Variants in CDAN1 observed in about 807,000 individuals in gnomAD.
The protein encoded by CDAN1 is codanin-1.
In CDAN1, 107 loss-of-function variants were observed where a neutral mutation model predicts 139.8. That is an observed-to-expected ratio of 0.77 (90% CI 0.65 to 0.90). The LOEUF is 0.90. CDAN1 is among the 40% of genes least tolerant of loss of function. CDAN1 has a pLI of 0.00. For missense variants in CDAN1, 1,667 were observed against 1,575.7 expected (o/e 1.06, Z -0.98); for synonymous variants, 776 against 660.6 (o/e 1.17, Z -2.68).
At position 42,729,705 on chromosome 15, in the gene CDAN1, G is replaced by C; in HGVS notation, c.2353-83C>G. The C allele has an allele frequency of 1.9e-6, 3 of 1,590,994 alleles. No homozygotes were observed. The South Asian group carries it at 3.3e-5, about 18-fold the overall frequency. ...AGGCAGTTGGCAGGGCCTTTACAAG[G>C]GTTACATCTGCCCCTGGCTGGGCCT... On this transcript the variant is annotated intron_variant, in intron 16 of 27. Coordinates refer to ENST00000356231, the MANE Select transcript of CDAN1 (RefSeq NM_138477.4).
At chr15:42,725,085 G>A (rs2061504691) in intron 27 of CDAN1, 59 bp downstream of exon 27, 1 of 1,401,924 alleles carries the variant, frequency 7.1e-7, no homozygotes, top group Non-Finnish European at 1.0e-6. Context: ...TTCCTTTCAG[G>A]ACAGATGGGA....
In CDAN1 at chr15:42,735,492, C is replaced by T. The variant is rs373152749; in HGVS notation, c.943+18G>A. Reference sequence around the variant, plus strand: ...TTCTACAAGTGTCTCCACTCCCGCTCCCTCCGCTCTCACTCACCAGCAATG... The same window carrying T: ...TTCTACAAGTGTCTCCACTCCCGCTTCCTCCGCTCTCACTCACCAGCAATG... On this transcript the variant is annotated intron_variant, in intron 4 of 27. Coordinates refer to ENST00000356231, the MANE Select transcript of CDAN1 (RefSeq NM_138477.4). 9.3e-6 allele frequency: 15 copies of T among 1,614,032 alleles called. No homozygotes were observed. The highest frequency in any genetic ancestry group is 2.2e-5 in the East Asian group (1 of 44,892).
intron 9 of CDAN1, among the ~76,000 whole-genome samples, chr15:42,732,835 T>C (rs2061632470): frequency 6.6e-6 from 1 of 152,072 alleles, no homozygotes; most frequent in South Asian, 2.1e-4. Context: ...TCAAGCAACC[T>C]GAGTTAAGAG....
chr15:42,730,538 G>C (rs531527092), intron 14 of CDAN1, 60 bp downstream of exon 14: 26 of 1,585,120 alleles, frequency 1.6e-5, no homozygotes, highest in South Asian at 8.9e-5. Context: ...TTAATAGCAG[G>C]CTTGACCAAT....
intron 27 of CDAN1, 30 bp from the exon 28 acceptor site, chr15:42,724,646 G>C (rs11857216): frequency 7.7e-6 from 12 of 1,550,886 alleles, no homozygotes; most frequent in Non-Finnish European, 8.7e-6. Flanking sequence ...GAGGGAAAAG[G>C]CAGCATGTAA....
chr15:42,728,030 G>A lies in CDAN1; in HGVS notation c.2872C>T (p.Leu958=), dbSNP rs764432820. 2.4e-5 allele frequency: 38 copies of A among 1,613,890 alleles called. No individual in the cohort carries two copies. In the Middle Eastern group the frequency reaches 8.2e-4, roughly 35 times the overall value. ...ACAGCAATGTTCTCTGCACTGCTCA[G>A]AACCTGCGAAACAGAACTACAGAGT... ...LLPEETPAAV[L]SSAENIAVGL... Residue 958 remains leucine (L), a synonymous_variant, in exon 22 of 28, where the codon CTG becomes TTG. Coordinates refer to ENST00000356231, the MANE Select transcript of CDAN1 (RefSeq NM_138477.4).
rs1322873553 is a variant in CDAN1 at position 42,736,488 on chromosome 15, GCCGGCCCCGGGCCCCGCCTCCTGCCC to G, written c.357_382del (p.Gly120ProfsTer26). The stretch of plus-strand genomic sequence containing the variant: ...CAGGCCGCGGCCTCCACGCTCGCGG[GCCGGCCCCGGGCCCCGCCTCCTGCCC>G]CCGCGGCGGGCCAGAGGGGCCTCGG... On this transcript the variant is annotated frameshift_variant, in exon 2 of 28. Transcript: ENST00000356231. LOFTEE classifies it high-confidence loss of function. The G allele has an allele frequency of 6.9e-7, 1 of 1,446,070 alleles. No homozygotes were observed. The highest frequency in any genetic ancestry group is 9.0e-7 in the Non-Finnish European group (1 of 1,106,920). The allele number at this position is 1,446,070 out of a possible 1,614,324, so 89.6% of individuals were successfully genotyped here.
chr15:42,724,362 G>A lies in CDAN1; in HGVS notation c.*129C>T. On this transcript the variant is annotated 3_prime_UTR_variant, in exon 28 of 28. Transcript: ENST00000356231. ...GATGCCAGGCAGTGACACCCTTAGA[G>A]CAGGAAGTCTGACTGTAGACCCAGC... 6.4e-6 allele frequency: 8 copies of A among 1,251,192 alleles called. No homozygotes were observed. The highest frequency in any genetic ancestry group is 9.0e-6 in the Non-Finnish European group (8 of 889,714). The allele number at this position is 1,251,192 out of a possible 1,614,324, so 77.5% of individuals were successfully genotyped here.
rs752661979 is a variant in CDAN1 at position 42,729,095 on chromosome 15, T to A, written c.2573A>T (p.Gln858Leu). Residue 858 changes from glutamine to leucine, a missense_variant, in exon 19 of 28, where the codon CAG (glutamine) becomes CTG (leucine). Physicochemically the swap from Gln to Leu is moderately radical, Grantham distance 113 (BLOSUM62 -2). Transcript: ENST00000356231. ...TACGGTCCGGCGCAAGGAGGGCGGC[T>A]GGTTGTGGAAAAAGGCCTGGGCGAG... ...AQLAQAFFHN[Q>L]PPSLRRTVEF... The A allele has an allele frequency of 1.2e-6, 2 of 1,614,188 alleles. No individual in the cohort carries two copies. Among genetic ancestry groups the A allele is most frequent in the South Asian group, 2.2e-5 (2 of 91,084 alleles).
In CDAN1 at chr15:42,729,091, C is replaced by G; in HGVS notation, c.2577G>C (p.Pro859=). 6.2e-7 allele frequency: 1 copy of G among 1,614,186 alleles called. No homozygotes were observed. The highest frequency in any genetic ancestry group is 8.5e-7 in the Non-Finnish European group (1 of 1,180,032). ...QLAQAFFHNQ[P]PSLRRTVEFV... is the part of the protein sequence containing the mutation. ...ACTCTACGGTCCGGCGCAAGGAGGG[C>G]GGCTGGTTGTGGAAAAAGGCCTGGG... Residue 859 remains proline, a synonymous_variant, in exon 19 of 28, where the codon CCG becomes CCC. Coordinates refer to ENST00000356231, the MANE Select transcript of CDAN1 (RefSeq NM_138477.4).
chr15:42,729,947 C>T (rs1174530108), intron 15 of CDAN1, 62 bp from the exon 16 acceptor site: 1 of 1,309,366 alleles, frequency 7.6e-7, no homozygotes, highest in Admixed American at 1.9e-5. Flanking sequence ...ACCCCACCTC[C>T]TGCACGGTCC....
chr15:42,727,826 C>T, intron 22 of CDAN1, 57 bp from the exon 23 acceptor site: 1 of 1,610,654 alleles, frequency 6.2e-7, no homozygotes, highest in Non-Finnish European at 8.5e-7. Context: ...CACAGGTTCA[C>T]CATGCTAACC....
chr15:42,730,916 C>T lies in CDAN1; in HGVS notation c.2007+9G>A. 6.2e-7 allele frequency: 1 copy of T among 1,614,192 alleles called. No individual in the cohort carries two copies. The highest frequency in any genetic ancestry group is 8.5e-7 in the Non-Finnish European group (1 of 1,180,032). ...GCTCCCTCCTCACCAGAATCCCCCG[C>T]CCATTCACCTGGCTCCTGAGGGCCA... On this transcript the variant is annotated intron_variant, in intron 13 of 27. Coordinates refer to ENST00000356231, the MANE Select transcript of CDAN1 (RefSeq NM_138477.4).
chr15:42,726,689 C>T, intron 23 of CDAN1: 2 of 540,760 alleles, frequency 3.7e-6, no homozygotes, highest in South Asian at 2.3e-5. Flanking sequence ...AACTTGGGAC[C>T]AAACTGTAGC....
chr15:42,736,087 A>G lies in CDAN1; in HGVS notation c.570-9T>C. 1 of 1,613,878 alleles carries G rather than the reference A, an allele frequency of 6.2e-7. No homozygotes were observed. Among genetic ancestry groups the G allele is most frequent in the Non-Finnish European group, 8.5e-7 (1 of 1,179,828 alleles). ...TGCGAGAAGGCTTCGTCCTGCTGAG[A>G]GTAGCCACAGGTTTTTCTCAAATTC... is the stretch of plus-strand genomic sequence containing the variant. On this transcript the variant is annotated splice_polypyrimidine_tract_variant and intron_variant, in intron 2 of 27. Transcript: ENST00000356231.
chr15:42,729,502 G>C lies in CDAN1; in HGVS notation c.2407+66C>G, dbSNP rs528658595. 14 of 1,607,624 alleles carry C rather than the reference G, an allele frequency of 8.7e-6. No homozygotes were observed. The East Asian group carries it at 1.1e-4, about 13-fold the overall frequency. On this transcript the variant is annotated intron_variant, in intron 17 of 27. Transcript: ENST00000356231. ...GCAATATCCAAGGGAGCTGGGCCAA[G>C]GGGGTGCCTTTTGGGTACTCATGGA... is the stretch of plus-strand genomic sequence containing the variant.
At position 42,737,009 on chromosome 15, in the gene CDAN1, T is replaced by A. The variant is rs1211239118; in HGVS notation, c.90+4A>T. ...CAGACCTGGGGGCGTGTCACCGCTG[T>A]TACCTCCGAACCCTGGGTGCTGCGC... On this transcript the variant is annotated splice_donor_region_variant and intron_variant, in intron 1 of 27. Coordinates refer to ENST00000356231, the MANE Select transcript of CDAN1 (RefSeq NM_138477.4). 2.6e-6 allele frequency: 4 copies of A among 1,545,038 alleles called. No homozygotes were observed. The highest frequency in any genetic ancestry group is 3.9e-5 in the Admixed American group (2 of 50,842).
In CDAN1 at chr15:42,736,416, C is replaced by T; in HGVS notation, c.455G>A (p.Arg152Lys). ...GCTGGGGCTGCCAGAGCCCCTAAGC[C>T]TCCGGCCCCCGGCTCCGGGCAGGCT... The part of the protein sequence containing the change: ...GESLPGAGGR[R>K]LRGSGSPSRP... The change falls in exon 2 of 28, where the codon AGG (arginine) becomes AAG (lysine). Residue 152 changes from arginine (R) to lysine (K), a missense_variant. Arg to Lys is a conservative substitution (Grantham distance 26, BLOSUM62 2). Coordinates refer to ENST00000356231, the MANE Select transcript of CDAN1 (RefSeq NM_138477.4). The T allele has an allele frequency of 1.2e-6, 2 of 1,607,540 alleles. No individual in the cohort carries two copies. Among genetic ancestry groups the T allele is most frequent in the Non-Finnish European group, 1.7e-6 (2 of 1,177,158 alleles).
rs368859220 is a variant in CDAN1 at position 42,730,218 on chromosome 15, G to A, written c.2175-3C>T. ...TCTCCTGCGACAACACCAAGCTCCT[G>A]AAACATCAATGGGCAGTACACGGGT... On this transcript the variant is annotated splice_region_variant and splice_polypyrimidine_tract_variant and intron_variant, in intron 14 of 27. Transcript: ENST00000356231. The A allele has an allele frequency of 2.2e-5, 36 of 1,613,644 alleles. No individual in the cohort carries two copies. The African/African-American group carries it at 4.0e-4, about 18-fold the overall frequency.
Sources: allele counts gnomAD v4.1 joint callset (sites outside exome capture counted in the v4.1 genomes callset), GRCh38; gene constraint gnomAD v4.1.1; transcripts MANE v1.5; gene names NCBI Gene and HGNC (gene_info 2026-07-23, HGNC 2026-07-21).